The following PLD1 variants were observed in gnomAD, a reference collection of about 807,000 sequenced individuals.
PLD1 encodes the protein phospholipase D1, also known as choline phosphatase 1.
In PLD1, 112 loss-of-function variants were observed where a neutral mutation model predicts 137.1. That is an observed-to-expected ratio of 0.82 (90% CI 0.70 to 0.96). The LOEUF is 0.96. Ranked by LOEUF, PLD1 falls within the 40% of genes least tolerant of loss-of-function variation. The pLI, the probability that PLD1 is intolerant of heterozygous loss-of-function variation, is 0.00. For synonymous variants in PLD1, 431 were observed against 454.7 expected, an observed-to-expected ratio of 0.95 and a Z score of 0.66; for missense variants, 1,321 against 1,342.0, an observed-to-expected ratio of 0.98 and a Z score of 0.24.
intron 1 of PLD1, among the ~76,000 whole-genome samples, chr3:171,782,893 T>A (rs1315899248): frequency 6.6e-6 from 1 of 152,122 alleles, no homozygotes; most frequent in Non-Finnish European, 1.5e-5. Flanking sequence ...GGGCAGAAAC[T>A]ATGGAAGCAG....
chr3:171,737,298 T>G (rs1425967212), intron 3 of PLD1, among the ~76,000 whole-genome samples: 2 of 152,158 alleles, frequency 1.3e-5, no homozygotes. Flanking sequence ...CATGCCTTTT[T>G]AAAAGAAAGA....
intron 16 of PLD1, among the ~76,000 whole-genome samples, chr3:171,685,196 T>G (rs1714426119): frequency 6.6e-6 from 1 of 152,210 alleles, no homozygotes; most frequent in African/African-American, 2.4e-5. Flanking sequence ...ACAATTCTTC[T>G]TCCAATGTGG....
At chr3:171,733,241 C>T (rs1719082811) in intron 6 of PLD1, among the ~76,000 whole-genome samples, 1 of 152,240 alleles carries the variant, frequency 6.6e-6, no homozygotes, top group Non-Finnish European at 1.5e-5. Flanking sequence ...TTAAGTTCTA[C>T]TCAACTTTTT....
rs1714718568 is a variant in PLD1, at chr3:171,687,642, CTTT to C, written c.1540-61_1540-59del. The C allele has an allele frequency of 2.8e-6, 3 of 1,072,738 alleles. No homozygotes were observed. The East Asian group carries it at 7.2e-5, about 26-fold the overall frequency. 66.5% of individuals were successfully genotyped at this position (1,072,738 alleles called of 1,614,324 possible). On this transcript the variant is annotated intron_variant, in intron 14 of 26. Transcript: ENST00000351298. ...GCATAAGACATGCTGCAGTGTGGTT[CTTT>C]AATTCAAGTAGAGCTGAAGTATAAA...
At chr3:171,651,165 C>A (rs1306392604) in intron 21 of PLD1, among the ~76,000 whole-genome samples, 1 of 152,164 alleles carries the variant, frequency 6.6e-6, no homozygotes, top group Non-Finnish European at 1.5e-5. Flanking sequence ...GCTTGATATG[C>A]TTCGCTAGTG....
In PLD1 at chr3:171,724,695, C is replaced by A; in HGVS notation, c.758+1G>T. ...AATACACAAAACTCACTAATTCCTA[C>A]CTTTTTGACCATCTGTAGCAGGCTC... On this transcript the variant is annotated splice_donor_variant, in intron 8 of 26. Transcript: ENST00000351298. LOFTEE classifies it high-confidence loss of function. The A allele has an allele frequency of 1.3e-6, 2 of 1,580,360 alleles. No individual in the cohort carries two copies. The highest frequency in any genetic ancestry group is 1.7e-6 in the Non-Finnish European group (2 of 1,149,644).
rs79656655 is a variant in PLD1 at position 171,618,116 on chromosome 3, G to A, written c.2728+2270C>T. Among the ~76,000 whole-genome samples, 797 of 151,970 alleles carry A rather than the reference G, an allele frequency of 5.2e-3. 3 individuals carry two copies. The highest frequency in any genetic ancestry group is 0.017 in the African/African-American group (704 of 41,444). On this transcript the variant is annotated intron_variant, in intron 24 of 26. Coordinates refer to ENST00000351298, the MANE Select transcript of PLD1 (RefSeq NM_002662.5). Reference sequence around the variant, plus strand: ...TCGATTCTCTAAGGCACTTGGGGAAGGAAAAAAGGAATCCAGCCTCCAAGG... The same window carrying A: ...TCGATTCTCTAAGGCACTTGGGGAAAGAAAAAAGGAATCCAGCCTCCAAGG...
intron 1 of PLD1, among the ~76,000 whole-genome samples, chr3:171,773,355 A>G (rs1292987624): frequency 6.6e-6 from 1 of 152,144 alleles, no homozygotes; most frequent in Non-Finnish European, 1.5e-5. Context: ...GCACGTTGGG[A>G]GGCCGAGGCG....
At chr3:171,699,340 T>C (rs968341639) in intron 12 of PLD1, among the ~76,000 whole-genome samples, 2 of 152,210 alleles carry the variant, frequency 1.3e-5, no homozygotes, top group Admixed American at 6.5e-5. Flanking sequence ...TACACCACAT[T>C]AGCCCCATCT....
intron 1 of PLD1, chr3:171,793,392 C>G (rs1322731312): frequency 6.6e-6 from 1 of 152,044 alleles, no homozygotes; most frequent in Non-Finnish European, 1.5e-5. Context: ...TATATTAAAG[C>G]AAAAGTTCTC....
In PLD1 at chr3:171,662,161, A is replaced by G; in HGVS notation, c.2239T>C (p.Ser747Pro). Residue 747 changes from serine to proline, a missense_variant, in exon 20 of 27, where the codon TCT becomes CCT. Transcript: ENST00000351298. Reference sequence around the variant, plus strand: ...ATACCAGCAGACCAATCAGCAGCAGAGCGGAGCAACTACAAGGCAGCAATC... The same window carrying G: ...ATACCAGCAGACCAATCAGCAGCAGGGCGGAGCAACTACAAGGCAGCAATC... ...SVHANVQLLR[S>P]AADWSAGIKY... 1.2e-6 allele frequency: 2 copies of G among 1,607,796 alleles called. No individual in the cohort carries two copies. The highest frequency in any genetic ancestry group is 1.7e-6 in the Non-Finnish European group (2 of 1,174,290).
intron 13 of PLD1, among the ~76,000 whole-genome samples, chr3:171,691,180 T>C (rs2108518317): frequency 6.6e-6 from 1 of 152,308 alleles, no homozygotes; most frequent in African/African-American, 2.4e-5. Flanking sequence ...TCCTTTCATT[T>C]TCAACCTATT....
rs574635883 is a variant in PLD1, at chr3:171,680,087, C to T, written c.1868-2393G>A. On this transcript the variant is annotated intron_variant, in intron 16 of 26. Transcript: ENST00000351298. ...TGTTCCTTGCCTGGTGTCCTCTGGT[C>T]GTGCCACATCCTCCTCCTTCTATTC... 4.6e-5 allele frequency among the ~76,000 whole-genome samples: 7 copies of T among 152,088 alleles called. No individual in the cohort carries two copies. The South Asian group carries it at 1.5e-3, about 32-fold the overall frequency.
chr3:171,668,810 TTAA>T (rs1292317815), intron 19 of PLD1, among the ~76,000 whole-genome samples: 1 of 152,236 alleles, frequency 6.6e-6, no homozygotes, highest in African/African-American at 2.4e-5. Flanking sequence ...TTCTTTCAGC[TTAA>T]TAGACATGTC....
intron 1 of PLD1, among the ~76,000 whole-genome samples, chr3:171,808,870 G>GCAAGAAT (rs1330162786): frequency 5.5e-5 from 7 of 126,356 alleles, no homozygotes; most frequent in Non-Finnish European, 7.9e-5. Flanking sequence ...TGTCGCCCAG[G>GCAAGAAT]CTGGCGTGCA....
chr3:171,617,936 C>A lies in PLD1; in HGVS notation c.2728+2450G>T, dbSNP rs1024579154. Reference sequence around the variant, plus strand: ...ATAAAATATTCTCAACCTAACTTCTCAAACTCGTCTCTGAGAATTTTAAAC... The same window carrying A: ...ATAAAATATTCTCAACCTAACTTCTAAAACTCGTCTCTGAGAATTTTAAAC... On this transcript the variant is annotated intron_variant, in intron 24 of 26. Transcript: ENST00000351298. Among the ~76,000 whole-genome samples the A allele has an allele frequency of 8.5e-5, 13 of 152,214 alleles. No homozygotes were observed. In the East Asian group the frequency reaches 2.5e-3, roughly 29 times the overall value.
intron 23 of PLD1, among the ~76,000 whole-genome samples, chr3:171,630,917 T>C (rs1452227713): frequency 2.0e-5 from 3 of 150,356 alleles, no homozygotes; most frequent in Non-Finnish European, 3.0e-5. Context: ...TAATGCTAAA[T>C]GACGAGTTAA....
intron 10 of PLD1, 77 bp downstream of exon 10, chr3:171,709,483 G>C: frequency 8.0e-7 from 1 of 1,256,218 alleles, no homozygotes; most frequent in Non-Finnish European, 1.1e-6. Flanking sequence ...TTTGAAAACT[G>C]ATTCCAGGTG....
chr3:171,692,626 T>C (rs1233336369), intron 12 of PLD1, among the ~76,000 whole-genome samples, 184 bp from the exon 13 acceptor site: 2 of 152,120 alleles, frequency 1.3e-5, no homozygotes, highest in South Asian at 2.1e-4. Flanking sequence ...GTTCAAGCAA[T>C]TCTCATGCCT....
Sources: gnomAD v4.1 joint callset for allele counts (sites outside exome capture counted in the v4.1 genomes callset) on GRCh38, gnomAD v4.1.1 for gene constraint, MANE v1.5 for transcripts, NCBI Gene and HGNC (gene_info 2026-07-23, HGNC 2026-07-21) for gene names.